GRM7: variants seen among roughly 807,000 people sequenced by gnomAD.
GRM7 encodes glutamate metabotropic receptor 7, also known as metabotropic glutamate receptor 7.
A neutral mutation model predicts 84.5 loss-of-function variants in GRM7; 35 were observed. The observed-to-expected ratio is 0.41, with a 90% CI of 0.32 to 0.55. The LOEUF (loss-of-function observed/expected upper bound fraction) is 0.55, where lower values mean the gene tolerates loss of function less well. GRM7 is among the 20% of genes least tolerant of loss of function. The probability of loss-of-function intolerance (pLI) is 0.19; values close to 1 mark genes in which losing one functional copy is unlikely to be tolerated. For missense variants in GRM7, 1,003 were observed against 1,194.6 expected, an observed-to-expected ratio of 0.84 and a Z score of 2.36; for synonymous variants, 487 against 455.1, an observed-to-expected ratio of 1.07 and a Z score of -0.89.
At chr3:7,440,281 C>A (rs1697233223) in intron 5 of GRM7, among the ~76,000 whole-genome samples, 1 of 152,150 alleles carries the variant, frequency 6.6e-6, no homozygotes, top group Non-Finnish European at 1.5e-5. Context: ...AATAGTGAAA[C>A]ACATCTGGCC....
At chr3:7,411,894 G>A (rs868596388) in intron 4 of GRM7, among the ~76,000 whole-genome samples, 1 of 151,928 alleles carries the variant, frequency 6.6e-6, no homozygotes, top group Non-Finnish European at 1.5e-5. Flanking sequence ...TAAAATTTTT[G>A]TACTTATTTG....
intron 5 of GRM7, among the ~76,000 whole-genome samples, chr3:7,442,773 A>C (rs1176156937): frequency 6.6e-6 from 1 of 152,184 alleles, no homozygotes. Flanking sequence ...ATCCAAGAGC[A>C]TCTGTAAGAC....
rs191544324 is a variant in GRM7 at position 7,306,860 on chromosome 3, A to T, written c.1033+208A>T. Among the ~76,000 whole-genome samples the T allele has an allele frequency of 5.0e-3, 769 of 152,304 alleles. 2 individuals are homozygous for T. The highest frequency in any genetic ancestry group is 8.7e-3 in the Non-Finnish European group (589 of 68,020). On this transcript the variant is annotated intron_variant, in intron 4 of 9. Coordinates refer to ENST00000357716, the MANE Select transcript of GRM7 (RefSeq NM_000844.4). Reference sequence around the variant, plus strand: ...CTTTTGAGGAGATCATATTATTTTCATAATATCACGATTAGCAAAAACATT... The same window carrying T: ...CTTTTGAGGAGATCATATTATTTTCTTAATATCACGATTAGCAAAAACATT...
chr3:7,679,563 G>A (rs373684620), intron 8 of GRM7, among the ~76,000 whole-genome samples: 8 of 152,124 alleles, frequency 5.3e-5, no homozygotes, highest in African/African-American at 1.2e-4. Context: ...GGGAAAAGGC[G>A]TGCCTTTCTA....
chr3:7,651,898 C>T (rs1208398687), intron 8 of GRM7, among the ~76,000 whole-genome samples: 1 of 152,176 alleles, frequency 6.6e-6, no homozygotes, highest in Non-Finnish European at 1.5e-5. Context: ...CCTAGCTGCA[C>T]ACATACAGCT....
rs1157276893 is a variant in GRM7, at chr3:7,486,122, CT to C, written c.1515+24402del. On this transcript the variant is annotated intron_variant, in intron 7 of 9. Coordinates refer to ENST00000357716, the MANE Select transcript of GRM7 (RefSeq NM_000844.4). The surrounding 1 kb of genome is among the most constrained non-coding windows in gnomAD (Gnocchi z 5.5). ...GATAAAATATGGATTTTAAATACTG[CT>C]TCTTGAACTGACTCTGATCTTAGAA... Among the ~76,000 whole-genome samples the C allele has an allele frequency of 6.6e-6, 1 of 152,158 alleles. No homozygotes were observed. The highest frequency in any genetic ancestry group is 1.5e-5 in the Non-Finnish European group (1 of 68,044).
intron 8 of GRM7, among the ~76,000 whole-genome samples, chr3:7,639,346 T>C (rs1432781020): frequency 6.6e-6 from 1 of 152,208 alleles, no homozygotes; most frequent in African/African-American, 2.4e-5. Context: ...CCCAAAAACA[T>C]TTACTGGCTC....
intron 7 of GRM7, among the ~76,000 whole-genome samples, chr3:7,538,342 C>A (rs949552208): frequency 6.6e-6 from 1 of 152,152 alleles, no homozygotes; most frequent in Non-Finnish European, 1.5e-5. Context: ...AAACTCCAGA[C>A]CTCAGGTGAT....
chr3:7,478,159 A>G (rs1279353302), intron 7 of GRM7, among the ~76,000 whole-genome samples: 1 of 152,022 alleles, frequency 6.6e-6, no homozygotes, highest in Admixed American at 6.6e-5. Flanking sequence ...TCTTCTGCTC[A>G]CTGAACCTCA....
intron 1 of GRM7, among the ~76,000 whole-genome samples, chr3:6,951,227 C>T (rs535925343): frequency 1.7e-3 from 259 of 152,320 alleles, no homozygotes; most frequent in Non-Finnish European, 2.7e-3. Context: ...ATTAATTTTT[C>T]AAAGAATCAG....
chr3:7,444,567 T>C (rs6770243), intron 5 of GRM7, among the ~76,000 whole-genome samples: 4,730 of 152,286 alleles, frequency 0.031, 248 homozygotes, highest in African/African-American at 0.11. Flanking sequence ...CAAATTGCTC[T>C]TGGCCATAAA....
chr3:6,962,457 T>A (rs1320677077), intron 1 of GRM7, among the ~76,000 whole-genome samples: 1 of 151,964 alleles, frequency 6.6e-6, no homozygotes, highest in Non-Finnish European at 1.5e-5. Context: ...GTGGCCCACA[T>A]ACAAAATGAG....
intron 1 of GRM7, among the ~76,000 whole-genome samples, chr3:6,887,572 A>T (rs1695748945): frequency 6.6e-6 from 1 of 152,118 alleles, no homozygotes; most frequent in Non-Finnish European, 1.5e-5. Flanking sequence ...ATCATTTTTT[A>T]TGGCTGCATA....
intron 2 of GRM7, among the ~76,000 whole-genome samples, chr3:7,271,940 C>A (rs1380129657): frequency 6.6e-6 from 1 of 151,908 alleles, no homozygotes; most frequent in Non-Finnish European, 1.5e-5. Flanking sequence ...TCTTTCTAAG[C>A]CCAGTCTGAA....
chr3:7,046,367 C>G (rs1451810438), intron 1 of GRM7, among the ~76,000 whole-genome samples: 1 of 152,112 alleles, frequency 6.6e-6, no homozygotes, highest in African/African-American at 2.4e-5. Context: ...GTGCCAAAGT[C>G]TTACATATGA....
At chr3:7,259,194 G>T (rs577744999) in intron 2 of GRM7, among the ~76,000 whole-genome samples, 1 of 152,284 alleles carries the variant, frequency 6.6e-6, no homozygotes, top group Non-Finnish European at 1.5e-5. Flanking sequence ...AGCTCACATT[G>T]GCTGATTGAT....
chr3:7,713,447 C>T (rs200937852), intron 9 of GRM7, among the ~76,000 whole-genome samples: 1 of 152,010 alleles, frequency 6.6e-6, no homozygotes, highest in Non-Finnish European at 1.5e-5. Flanking sequence ...CAGGATTTCA[C>T]TATATCTTTT....
intron 7 of GRM7, among the ~76,000 whole-genome samples, chr3:7,570,395 G>T (rs931902250): frequency 2.0e-5 from 3 of 152,220 alleles, no homozygotes; most frequent in Admixed American, 6.5e-5. Context: ...TACAATGGGG[G>T]TACAGGCATT....
At chr3:7,254,554 A>G (rs1055162866) in intron 2 of GRM7, among the ~76,000 whole-genome samples, 2 of 152,204 alleles carry the variant, frequency 1.3e-5, no homozygotes, top group Non-Finnish European at 2.9e-5. Flanking sequence ...CAAATCTGCC[A>G]TTGCAGCTCA....
Sources: allele counts gnomAD v4.1 joint callset (sites outside exome capture counted in the v4.1 genomes callset), GRCh38; gene constraint gnomAD v4.1.1; non-coding constraint Gnocchi (gnomAD v3.1); transcripts MANE v1.5; gene names NCBI Gene and HGNC (gene_info 2026-07-23, HGNC 2026-07-21).